SERHL2: variants seen among roughly 807,000 people sequenced by gnomAD.
SERHL2 encodes the protein serine hydrolase like 2.
A neutral mutation model predicts 25.5 loss-of-function variants in SERHL2; 29 were observed. The observed-to-expected ratio is 1.14, with a 90% CI of 0.85 to 1.55. The LOEUF (loss-of-function observed/expected upper bound fraction) is 1.55. Ranked by LOEUF, SERHL2 falls within the 40% of genes most tolerant of loss-of-function variation. SERHL2 has a pLI of 0.00. For synonymous variants in SERHL2, 95 were observed against 103.5 expected, an observed-to-expected ratio of 0.92 and a Z score of 0.50; for missense variants, 240 against 252.3, an observed-to-expected ratio of 0.95 and a Z score of 0.33.
intron 1 of SERHL2, among the ~76,000 whole-genome samples, chr22:42,554,346 C>T (rs1601825437): frequency 6.6e-6 from 1 of 151,954 alleles, no homozygotes; most frequent in African/African-American, 2.4e-5. Context: ...GATGTGGGGG[C>T]GGTGGGGGTT....
chr22:42,564,810 C>G (rs1923126106), intron 8 of SERHL2, among the ~76,000 whole-genome samples: 1 of 151,362 alleles, frequency 6.6e-6, no homozygotes, highest in Admixed American at 6.6e-5. Flanking sequence ...TTTTCTTTTC[C>G]TTTTTGAGAC....
chr22:42,562,550 G>C (rs71329144), intron 8 of SERHL2, among the ~76,000 whole-genome samples: 94 of 151,940 alleles, frequency 6.2e-4, no homozygotes, highest in African/African-American at 2.3e-3. Context: ...GGAGGACGCA[G>C]AGTGGGGAGG....
At chr22:42,573,735 A>C in intron 11 of SERHL2, 1 of 648,932 alleles carries the variant, frequency 1.5e-6, no homozygotes, top group South Asian at 1.8e-5. Flanking sequence ...GGAGGCCTCC[A>C]AGTCCCTAGG....
At chr22:42,554,667 C>T (rs1922010445) in intron 1 of SERHL2, among the ~76,000 whole-genome samples, 1 of 151,808 alleles carries the variant, frequency 6.6e-6, no homozygotes, top group Non-Finnish European at 1.5e-5. Flanking sequence ...CGCCCCAGCA[C>T]ATTCTAGAAG....
chr22:42,559,577 C>T (rs984024547), intron 7 of SERHL2, among the ~76,000 whole-genome samples: 24 of 151,638 alleles, frequency 1.6e-4, no homozygotes, highest in African/African-American at 5.6e-4. Context: ...TGGTGGCGGG[C>T]GCCTGAATAT....
intron 5 of SERHL2, 69 bp from the exon 6 acceptor site, chr22:42,556,445 C>T (rs1922158433): frequency 6.2e-7 from 1 of 1,603,438 alleles, no homozygotes; most frequent in South Asian, 1.1e-5. Flanking sequence ...CTCCAGGGTC[C>T]CCAGGGAAAG....
At chr22:42,569,529 G>A (rs1376731509) in intron 9 of SERHL2, 1 of 151,850 alleles carries the variant, frequency 6.6e-6, no homozygotes, top group African/African-American at 2.4e-5. Context: ...CAAAATGGTG[G>A]GATTACAGGC....
rs1555998325 is a variant in SERHL2, at chr22:42,562,526, A to AGGGGAGGGCTCGTGGAGGACGCAGAGT, written c.613+2271_613+2297dup. ...TGGGTGGGTTACAGAGTGCGTGAGA[A>AGGGGAGGGCTCGTGGAGGACGCAGAGT]GGGGAGGGCTCGTGGAGGACGCAGA... On this transcript the variant is annotated intron_variant, in intron 8 of 11. Transcript: ENST00000327678. Among the ~76,000 whole-genome samples, 52 of 151,650 alleles carry AGGGGAGGGCTCGTGGAGGACGCAGAGT rather than the reference A, an allele frequency of 3.4e-4. No individual in the cohort carries two copies. In the East Asian group the frequency reaches 8.3e-3, roughly 24 times the overall value.
rs1569285871 is a variant in SERHL2 at position 42,572,582 on chromosome 22, C to T, written c.825+53C>T. The stretch of plus-strand genomic sequence containing the variant: ...CCAGCCACTGTCGCCCACTCTGGTC[C>T]CACCTCACCCATCTCTTCTCATGCA... On this transcript the variant is annotated intron_variant, in intron 11 of 11. Coordinates refer to ENST00000327678, the MANE Select transcript of SERHL2 (RefSeq NM_014509.5). 11 of 1,593,326 alleles carry T rather than the reference C, an allele frequency of 6.9e-6. 1 individual carries two copies. Among genetic ancestry groups the T allele is most frequent in the Non-Finnish European group, 8.6e-6 (10 of 1,166,838 alleles).
chr22:42,565,804 C>T (rs1923298032), intron 8 of SERHL2, among the ~76,000 whole-genome samples: 2 of 151,622 alleles, frequency 1.3e-5, no homozygotes, highest in Non-Finnish European at 2.9e-5. Flanking sequence ...GTTTAGGCCC[C>T]CCACCAAGAA....
At position 42,571,183 on chromosome 22, in the gene SERHL2, G is replaced by A; in HGVS notation, c.711G>A (p.Gln237=). The change falls in exon 10 of 12, where the codon CAG becomes CAA. Residue 237 remains glutamine, a synonymous_variant. Transcript: ENST00000327678. The part of the protein sequence containing the change: ...ELCAHSIRKL[Q]AHVLLIKAVH... ...GTGCGCATTCCATCAGGAAGCTGCA[G>A]GCCCATGTCCTGTTGATCAAGTAAG... 6.2e-7 allele frequency: 1 copy of A among 1,613,472 alleles called. No individual in the cohort carries two copies. The highest frequency in any genetic ancestry group is 8.5e-7 in the Non-Finnish European group (1 of 1,179,666).
Position 42,571,142 on chromosome 22 carries a change from A to C in SERHL2, c.670A>C (p.Ile224Leu), listed in dbSNP as rs201866907. ...GCAGGCAGAGAACAGCATTGACTTC[A>C]TCAGCAGGGAGCTGTGTGCGCATTC... is the stretch of plus-strand genomic sequence containing the variant. ...LAWAENSIDF[I>L]SRELCAHSIR... Residue 224 changes from isoleucine (I) to leucine (L), a missense_variant, in exon 10 of 12, where the codon ATC becomes CTC. Around this residue, in one of 4 missense-constraint regions of SERHL2, gnomAD observed 212 missense variants for 168.9 expected, o/e 1.25. Coordinates refer to ENST00000327678, the MANE Select transcript of SERHL2 (RefSeq NM_014509.5). 1.9e-5 allele frequency: 31 copies of C among 1,613,026 alleles called. No individual in the cohort carries two copies. The highest frequency in any genetic ancestry group is 1.1e-4 in the East Asian group (5 of 44,866).
At chr22:42,563,547 C>T in intron 8 of SERHL2, 2 of 287,340 alleles carry the variant, frequency 7.0e-6, no homozygotes, top group East Asian at 1.1e-4. Flanking sequence ...GCCCCTGAAG[C>T]CCCGTGCTGT....
intron 8 of SERHL2, among the ~76,000 whole-genome samples, chr22:42,565,567 G>A (rs59545951): frequency 0.018 from 2,750 of 151,700 alleles, 91 homozygotes; most frequent in African/African-American, 0.062. Flanking sequence ...CTCGTGATTC[G>A]CCTGCCTCGG....
rs1347076417 is a variant in SERHL2, at chr22:42,556,980, CAT to C, written c.423+393_423+394del. ...ACTGTGTCCACATTGCACCACCACACATGACAGCCCTAAATGTGAACTGAAGG... is the reference window on the plus strand; with the variant it reads ...ACTGTGTCCACATTGCACCACCACACGACAGCCCTAAATGTGAACTGAAGG... On this transcript the variant is annotated intron_variant, in intron 6 of 11. Transcript: ENST00000327678. 3.1e-4 allele frequency among the ~76,000 whole-genome samples: 16 copies of C among 51,698 alleles called. No individual in the cohort carries two copies. The South Asian group carries it at 7.0e-3, about 23-fold the overall frequency. 33.9% of individuals were successfully genotyped at this position (51,698 alleles called of 152,430 possible). A position where few individuals can be genotyped will look rare whatever the true frequency, so the allele number is the denominator to read the frequency against.
At chr22:42,568,861 G>T (rs1415088053) in intron 9 of SERHL2, among the ~76,000 whole-genome samples, 1 of 151,692 alleles carries the variant, frequency 6.6e-6, no homozygotes. Flanking sequence ...AGCTACTCAG[G>T]AGGCTGAGGC....
intron 1 of SERHL2, 135 bp downstream of exon 1, chr22:42,554,177 C>T: frequency 1.8e-6 from 2 of 1,132,208 alleles, no homozygotes; most frequent in African/African-American, 1.5e-5. Context: ...CCTCGGCAGT[C>T]CCGGGGCATG....
chr22:42,562,483 C>A (rs1364393950), intron 8 of SERHL2, among the ~76,000 whole-genome samples: 1 of 151,716 alleles, frequency 6.6e-6, no homozygotes, highest in Non-Finnish European at 1.5e-5. Context: ...AGCCCGTTGG[C>A]TTGTGTGTGA....
intron 8 of SERHL2, among the ~76,000 whole-genome samples, chr22:42,564,295 C>T (rs1461118695): frequency 3.3e-5 from 5 of 151,582 alleles, no homozygotes; most frequent in Non-Finnish European, 7.4e-5. Context: ...TTAGACAAGT[C>T]TATCTTTACC....
Sources: gnomAD v4.1 joint callset for allele counts (sites outside exome capture counted in the v4.1 genomes callset) on GRCh38, gnomAD v4.1.1 for gene constraint, gnomAD v4.1.1 regional missense constraint, MANE v1.5 for transcripts, NCBI Gene and HGNC (gene_info 2026-07-23, HGNC 2026-07-21) for gene names.